VWA3A: variants seen among roughly 807,000 people sequenced by gnomAD.
The protein encoded by VWA3A is von Willebrand factor A domain-containing protein 3A.
Under a neutral mutation model 160.4 loss-of-function variants are expected in VWA3A, and 134 were observed. The ratio of observed to expected loss-of-function variants is 0.84; its 90% CI spans 0.73 to 0.96. VWA3A has a LOEUF of 0.96. VWA3A is among the 40% of genes least tolerant of loss of function. The probability of loss-of-function intolerance (pLI) is 0.00; values close to 1 mark genes in which losing one functional copy is unlikely to be tolerated. For missense variants in VWA3A, 1,310 were observed against 1,447.9 expected, an observed-to-expected ratio of 0.90 and a Z score of 1.55; for synonymous variants, 476 against 543.4, an observed-to-expected ratio of 0.88 and a Z score of 1.72.
intron 9 of VWA3A, among the ~76,000 whole-genome samples, chr16:22,115,928 A>AAGGAAGGAAAGGG (rs1267589853): frequency 3.7e-5 from 1 of 27,310 alleles, no homozygotes; most frequent in Non-Finnish European, 5.0e-5. Flanking sequence ...GAAGGAAAGG[A>AAGGAAGGAAAGGG]AAGGAAAGGA....
At chr16:22,123,221 G>A in intron 15 of VWA3A, 56 bp downstream of exon 15, 1 of 1,499,370 alleles carries the variant, frequency 6.7e-7, no homozygotes, top group Middle Eastern at 1.7e-4. Flanking sequence ...GGGACGGGAG[G>A]AAGGTTCCCT....
intron 10 of VWA3A, 104 bp from the exon 11 acceptor site, chr16:22,117,007 T>A: frequency 1.4e-6 from 2 of 1,448,074 alleles, no homozygotes; most frequent in Admixed American, 2.0e-5. Flanking sequence ...CTCCCTTTGG[T>A]AAAATGGGAA....
intron 23 of VWA3A, chr16:22,141,325 G>A: frequency 3.2e-6 from 2 of 624,152 alleles, no homozygotes; most frequent in South Asian, 1.5e-5. Context: ...TGAGGATGAA[G>A]CAAGGCAGCA....
chr16:22,131,643 G>T lies in VWA3A; in HGVS notation c.1786G>T (p.Ala596Ser). 6.2e-7 allele frequency: 1 copy of T among 1,613,966 alleles called. No individual in the cohort carries two copies. The highest frequency in any genetic ancestry group is 8.5e-7 in the Non-Finnish European group (1 of 1,179,868). ...GAACGTTCTCAGCGCCCTGCGGAAG[G>T]CTGTGGAAGTAGACTTCAAGGACAA... is the stretch of plus-strand genomic sequence containing the variant. ...SRNVLSALRK[A>S]VEVDFKDKDK... is the part of the protein sequence containing the mutation. Residue 596 changes from alanine (A) to serine (S), a missense_variant, in exon 19 of 34, where the codon GCT becomes TCT. By Grantham distance (99) the Ala-to-Ser change is moderately conservative. Transcript: ENST00000389398.
intron 1 of VWA3A, among the ~76,000 whole-genome samples, chr16:22,095,878 C>A (rs1167432079): frequency 2.6e-5 from 4 of 152,042 alleles, no homozygotes; most frequent in African/African-American, 9.7e-5. Flanking sequence ...TGATTACTTT[C>A]TATTATCCTT....
chr16:22,131,379 G>A (rs1407730116), intron 18 of VWA3A, 100 bp downstream of exon 18: 5 of 1,475,122 alleles, frequency 3.4e-6, no homozygotes, highest in Non-Finnish European at 4.6e-6. Flanking sequence ...GCTCTCTAGA[G>A]TCCCTGACCC....
Position 22,134,453 on chromosome 16 carries a change from TG to T in VWA3A, c.2139+18del. 6.3e-7 allele frequency: 1 copy of T among 1,577,592 alleles called. No homozygotes were observed. Among genetic ancestry groups the T allele is most frequent in the Non-Finnish European group, 8.6e-7 (1 of 1,160,384 alleles). ...ACTCCCAAAAGGTATGCCCTGGGCA[TG>T]GGCCAATGACTGCACTGCCTTTTGT... On this transcript the variant is annotated intron_variant, in intron 21 of 33. Coordinates refer to ENST00000389398, the MANE Select transcript of VWA3A (RefSeq NM_173615.5).
At chr16:22,109,654 C>G (rs915070378) in intron 7 of VWA3A, 74 bp downstream of exon 7, 3 of 1,341,210 alleles carry the variant, frequency 2.2e-6, no homozygotes, top group Admixed American at 1.8e-5. Context: ...AGCTTGCTGA[C>G]GAGCTTGTTT....
At position 22,126,232 on chromosome 16, in the gene VWA3A, C is replaced by G. The variant is rs752742461; in HGVS notation, c.1587C>G (p.Ile529Met). The G allele has an allele frequency of 6.2e-7, 1 of 1,613,990 alleles. No homozygotes were observed. Among genetic ancestry groups the G allele is most frequent in the Non-Finnish European group, 8.5e-7 (1 of 1,179,872 alleles). ...SATNSMYIIHIQHSLRLLLEE... is the reference protein window; with the variant it reads ...SATNSMYIIHMQHSLRLLLEE... The stretch of plus-strand genomic sequence containing the variant: ...CCAATTCCATGTACATTATTCATAT[C>G]CAGCACTCCCTGCGGCTGCTGCTGG... Residue 529 changes from isoleucine (I) to methionine (M), a missense_variant, in exon 17 of 34, where the codon ATC (isoleucine) becomes ATG (methionine). By Grantham distance (10) the Ile-to-Met change is conservative (BLOSUM62 1). Coordinates refer to ENST00000389398, the MANE Select transcript of VWA3A (RefSeq NM_173615.5).
intron 11 of VWA3A, 134 bp from the exon 12 acceptor site, chr16:22,118,767 TC>T (rs1208911810): frequency 8.7e-7 from 1 of 1,143,182 alleles, no homozygotes; most frequent in African/African-American, 1.6e-5. Flanking sequence ...GGCACATGGG[TC>T]CCAGTGTATA....
chr16:22,106,135 A>G (rs1235134637), intron 6 of VWA3A, among the ~76,000 whole-genome samples: 1 of 152,190 alleles, frequency 6.6e-6, no homozygotes, highest in Non-Finnish European at 1.5e-5. Context: ...CTGTAATCCC[A>G]GCACTTTGGG....
chr16:22,113,419 T>G lies in VWA3A; in HGVS notation c.690-1928T>G, dbSNP rs546242358. On this transcript the variant is annotated intron_variant, in intron 8 of 33. Transcript: ENST00000389398. Reference sequence around the variant, plus strand: ...TTTGTATTTTTAGTAGAGACAAGGTTTCACCATGTTGACCAGGCTGGTCTT... The same window carrying G: ...TTTGTATTTTTAGTAGAGACAAGGTGTCACCATGTTGACCAGGCTGGTCTT... 6.5e-5 allele frequency among the ~76,000 whole-genome samples: 9 copies of G among 137,546 alleles called. No homozygotes were observed. The South Asian group carries it at 2.2e-3, about 34-fold the overall frequency. The allele number at this position is 137,546 out of a possible 152,430, so 90.2% of individuals were successfully genotyped here.
rs1451547617 is a variant in VWA3A, at chr16:22,133,099, C to G, written c.2068+4C>G. 1 of 1,610,348 alleles carries G rather than the reference C, an allele frequency of 6.2e-7. No individual in the cohort carries two copies. Among genetic ancestry groups the G allele is most frequent in the Non-Finnish European group, 8.5e-7 (1 of 1,178,366 alleles). On this transcript the variant is annotated splice_donor_region_variant and intron_variant, in intron 20 of 33. Coordinates refer to ENST00000389398, the MANE Select transcript of VWA3A (RefSeq NM_173615.5). ...TTCCACTGGTTTGGAGACACAGGTA[C>G]ATGACTGTTTCCTCATCCCTTCAGC...
At chr16:22,094,688 G>T (rs924073417) in intron 1 of VWA3A, among the ~76,000 whole-genome samples, 1 of 152,138 alleles carries the variant, frequency 6.6e-6, no homozygotes, top group Non-Finnish European at 1.5e-5. Flanking sequence ...AGGCAGGTTG[G>T]GCGTGGTGGC....
intron 25 of VWA3A, among the ~76,000 whole-genome samples, 160 bp downstream of exon 25, chr16:22,142,925 T>C (rs1236295110): frequency 1.3e-5 from 2 of 151,856 alleles, no homozygotes; most frequent in Non-Finnish European, 2.9e-5. Context: ...CTGAGGTGGG[T>C]GGATCACTTG....
intron 1 of VWA3A, among the ~76,000 whole-genome samples, chr16:22,093,306 C>G (rs772353841): frequency 6.6e-6 from 1 of 151,928 alleles, no homozygotes. Flanking sequence ...AGTAGATAAG[C>G]AAATATATAG....
chr16:22,103,775 A>G (rs149881330), intron 6 of VWA3A, among the ~76,000 whole-genome samples: 7 of 152,172 alleles, frequency 4.6e-5, no homozygotes, highest in Admixed American at 1.3e-4. Flanking sequence ...CTCTTCAGGC[A>G]TAGGAAGGTG....
At chr16:22,113,382 T>A (rs1231346293) in intron 8 of VWA3A, among the ~76,000 whole-genome samples, 8 of 118,306 alleles carry the variant, frequency 6.8e-5, no homozygotes, top group African/African-American at 2.8e-4. Context: ...TTTTTTTTTT[T>A]TTTTTTTTTT....
chr16:22,135,234 C>G (rs1411418762), intron 21 of VWA3A, among the ~76,000 whole-genome samples: 3 of 150,284 alleles, frequency 2.0e-5, no homozygotes, highest in Non-Finnish European at 4.4e-5. Flanking sequence ...GAGGAGCCGG[C>G]TAAAGTTCGG....
Sources: gnomAD v4.1 joint callset for allele counts (sites outside exome capture counted in the v4.1 genomes callset) on GRCh38, gnomAD v4.1.1 for gene constraint, MANE v1.5 for transcripts, NCBI Gene and HGNC (gene_info 2026-07-23, HGNC 2026-07-21) for gene names.